DIAPH3: variants seen among roughly 807,000 people sequenced by gnomAD.
DIAPH3 encodes the protein protein diaphanous homolog 3.
DIAPH3 carries 117 observed loss-of-function variants against 144.3 expected under a neutral mutation model. The ratio of observed to expected loss-of-function variants is 0.81; its 90% CI spans 0.70 to 0.95. DIAPH3 has a LOEUF of 0.95. DIAPH3 is among the 40% of genes least tolerant of loss of function. DIAPH3 has a pLI of 0.00. For synonymous variants in DIAPH3, 519 were observed against 488.9 expected (o/e 1.06, Z -0.81); for missense variants, 1,421 against 1,412.7 (o/e 1.01, Z -0.09).
In DIAPH3 at chr13:59,976,271, C is replaced by T. The variant is rs77414539; in HGVS notation, c.1546-1815G>A. ...AATTCCAATTCCAGAAGTCCAAATT[C>T]CCTGGACTGCTCTCAGCCTCATCTT... On this transcript the variant is annotated intron_variant, in intron 14 of 27. Transcript: ENST00000400324. Among the ~76,000 whole-genome samples, 32 of 152,058 alleles carry T rather than the reference C, an allele frequency of 2.1e-4. No individual in the cohort carries two copies. In the East Asian group the frequency reaches 6.2e-3, roughly 30 times the overall value.
intron 14 of DIAPH3, among the ~76,000 whole-genome samples, chr13:59,975,946 C>A (rs189388411): frequency 6.6e-6 from 1 of 151,964 alleles, no homozygotes; most frequent in Admixed American, 6.6e-5. Context: ...TTACTAACTA[C>A]AAAACAAGCC....
intron 3 of DIAPH3, among the ~76,000 whole-genome samples, chr13:60,111,687 T>C (rs528781429): frequency 1.3e-5 from 2 of 152,190 alleles, no homozygotes; most frequent in Non-Finnish European, 2.9e-5. Flanking sequence ...ATGGAAAAAT[T>C]GTCTTCCATA....
At position 59,833,100 on chromosome 13, in the gene DIAPH3, A is replaced by T. The variant is rs748485288; in HGVS notation, c.3027+7T>A. Reference sequence around the variant, plus strand: ...AAACTTTTTAAAAAACAATTTTTTTACCATACCATGAATGTGGTTCTGAAG... The same window carrying T: ...AAACTTTTTAAAAAACAATTTTTTTTCCATACCATGAATGTGGTTCTGAAG... On this transcript the variant is annotated splice_region_variant and intron_variant, in intron 24 of 27. Transcript: ENST00000400324. The T allele has an allele frequency of 6.2e-6, 10 of 1,605,542 alleles. 1 individual carries two copies. In the South Asian group the frequency reaches 1.1e-4, roughly 18 times the overall value.
At chr13:59,806,194 T>C (rs2040182998) in intron 25 of DIAPH3, among the ~76,000 whole-genome samples, 1 of 151,952 alleles carries the variant, frequency 6.6e-6, no homozygotes, top group Non-Finnish European at 1.5e-5. Flanking sequence ...CCTGGCCCAG[T>C]GAGGTAACAA....
intron 27 of DIAPH3, among the ~76,000 whole-genome samples, chr13:59,739,980 A>G (rs2036364727): frequency 6.6e-6 from 1 of 152,194 alleles, no homozygotes; most frequent in African/African-American, 2.4e-5. Flanking sequence ...TCAATAATCT[A>G]GAGGATGTGC....
At chr13:59,851,715 C>T (rs771681242) in intron 22 of DIAPH3, among the ~76,000 whole-genome samples, 6 of 151,402 alleles carry the variant, frequency 4.0e-5, no homozygotes, top group Non-Finnish European at 8.8e-5. Context: ...CTCCGCCTCC[C>T]GGGTCCAAGT....
At chr13:59,924,635 G>A (rs992317724) in intron 18 of DIAPH3, 140 bp downstream of exon 18, 2 of 1,352,978 alleles carry the variant, frequency 1.5e-6, no homozygotes, top group Non-Finnish European at 1.9e-6. Flanking sequence ...TTTACCTAAA[G>A]GAGAGTTATC....
chr13:60,123,198 A>G (rs1335686175), intron 2 of DIAPH3, among the ~76,000 whole-genome samples: 1 of 152,182 alleles, frequency 6.6e-6, no homozygotes, highest in East Asian at 1.9e-4. Flanking sequence ...AGTCACCTTC[A>G]CATGAAGTCT....
chr13:60,104,891 C>T (rs967616493), intron 3 of DIAPH3, among the ~76,000 whole-genome samples: 3 of 151,838 alleles, frequency 2.0e-5, no homozygotes, highest in Non-Finnish European at 2.9e-5. Flanking sequence ...GTCAGGAGAT[C>T]GAGACCATCC....
chr13:59,791,508 C>T (rs1051452285), intron 25 of DIAPH3, among the ~76,000 whole-genome samples: 1 of 151,966 alleles, frequency 6.6e-6, no homozygotes, highest in Non-Finnish European at 1.5e-5. Context: ...GTAAGGTGCC[C>T]AAAGCCCTGC....
At position 59,681,360 on chromosome 13, in the gene DIAPH3, C is replaced by T. The variant is rs562950016; in HGVS notation, c.3320-14514G>A. On this transcript the variant is annotated intron_variant, in intron 27 of 27. Coordinates refer to ENST00000400324, the MANE Select transcript of DIAPH3 (RefSeq NM_001042517.2). ...GGCATGGTGGCACACACCTGTAGTC[C>T]TAGCTACTTGGAAGGCTGAGGTGGG... 4.6e-5 allele frequency among the ~76,000 whole-genome samples: 7 copies of T among 152,230 alleles called. No homozygotes were observed. In the East Asian group the frequency reaches 1.2e-3, roughly 25 times the overall value.
At chr13:60,049,874 A>C (rs905730316) in intron 4 of DIAPH3, among the ~76,000 whole-genome samples, 6 of 152,182 alleles carry the variant, frequency 3.9e-5, no homozygotes, top group African/African-American at 1.4e-4. Flanking sequence ...TAGAGAAAAT[A>C]ATATCTTTTG....
At chr13:59,761,960 G>C (rs773114898) in intron 27 of DIAPH3, among the ~76,000 whole-genome samples, 1 of 151,702 alleles carries the variant, frequency 6.6e-6, no homozygotes, top group East Asian at 1.9e-4. Context: ...TTACAACTTG[G>C]GTTTCTCCAA....
chr13:60,120,746 C>T (rs955450015), intron 2 of DIAPH3, among the ~76,000 whole-genome samples: 1 of 152,140 alleles, frequency 6.6e-6, no homozygotes, highest in Non-Finnish European at 1.5e-5. Context: ...CCAATTAGCA[C>T]CCACTTGCCA....
chr13:59,992,165 C>G lies in DIAPH3; in HGVS notation c.1147G>C (p.Asp383His). 2 of 1,610,990 alleles carry G rather than the reference C, an allele frequency of 1.2e-6. No individual in the cohort carries two copies. The highest frequency in any genetic ancestry group is 1.7e-6 in the Non-Finnish European group (2 of 1,178,080). Residue 383 changes from aspartate (D) to histidine (H), a missense_variant, in exon 11 of 28, where the codon GAT (aspartate) becomes CAT (histidine). By Grantham distance (81) the Asp-to-His change is moderately conservative. Coordinates refer to ENST00000400324, the MANE Select transcript of DIAPH3 (RefSeq NM_001042517.2). ...ACTTTAAGTTGGATATCCAGGCCAT[C>G]ATTCTTAATGCATTTTAAATTCTAG... ...ILPNLKCIKN[D>H]GLDIQLKVFD...
chr13:59,969,174 T>C (rs147137546), intron 17 of DIAPH3, among the ~76,000 whole-genome samples: 18 of 152,310 alleles, frequency 1.2e-4, no homozygotes, highest in East Asian at 5.8e-4. Flanking sequence ...TTTTCACTTA[T>C]GTAATACCTA....
intron 4 of DIAPH3, among the ~76,000 whole-genome samples, chr13:60,074,367 T>G (rs1050029673): frequency 6.6e-6 from 1 of 152,168 alleles, no homozygotes; most frequent in Non-Finnish European, 1.5e-5. Flanking sequence ...TATTTTAGGC[T>G]AAAATCAAGG....
intron 27 of DIAPH3, among the ~76,000 whole-genome samples, chr13:59,731,875 T>A (rs762642367): frequency 6.6e-6 from 1 of 152,200 alleles, no homozygotes. Context: ...AATTTGAAGA[T>A]TTTTAACATC....
chr13:59,874,782 A>G (rs1244436490), intron 21 of DIAPH3, among the ~76,000 whole-genome samples: 1 of 152,206 alleles, frequency 6.6e-6, no homozygotes, highest in Non-Finnish European at 1.5e-5. Flanking sequence ...CAAAACTTAT[A>G]TCTATTACCC....
Sources: gnomAD v4.1 joint callset for allele counts (sites outside exome capture counted in the v4.1 genomes callset) on GRCh38, gnomAD v4.1.1 for gene constraint, MANE v1.5 for transcripts, NCBI Gene and HGNC (gene_info 2026-07-23, HGNC 2026-07-21) for gene names.